Variants in SOX6 observed in about 807,000 individuals in gnomAD.
SOX6 encodes SRY-box transcription factor 6.
Under a neutral mutation model 97.8 loss-of-function variants are expected in SOX6, and 11 were observed. That is an observed-to-expected ratio of 0.11 (90% CI 0.07 to 0.19). The LOEUF (loss-of-function observed/expected upper bound fraction) is 0.19, where lower values mean the gene tolerates loss of function less well. Ranked by LOEUF, SOX6 falls within the 10% of genes least tolerant of loss-of-function variation. The probability of loss-of-function intolerance (pLI) is 1.00; values close to 1 mark genes in which losing one functional copy is unlikely to be tolerated. For missense variants in SOX6, 810 were observed against 1,039.5 expected (o/e 0.78, Z 3.04); for synonymous variants, 360 against 371.4 (o/e 0.97, Z 0.35).
At chr11:16,509,686 A>C (rs563006905) in intron 4 of SOX6, among the ~76,000 whole-genome samples, 2 of 152,150 alleles carry the variant, frequency 1.3e-5, no homozygotes, top group African/African-American at 4.8e-5. Flanking sequence ...CTCCCTTTTT[A>C]AATTTTTAAT....
chr11:16,481,874 G>A (rs1364092505), intron 4 of SOX6, among the ~76,000 whole-genome samples: 1 of 151,940 alleles, frequency 6.6e-6, no homozygotes, highest in East Asian at 1.9e-4. Flanking sequence ...TTTTTAAAGA[G>A]TTATTTTAAA....
At chr11:16,022,343 C>CTTCT (rs1855087779) in intron 12 of SOX6, among the ~76,000 whole-genome samples, 1 of 143,304 alleles carries the variant, frequency 7.0e-6, no homozygotes, top group East Asian at 2.2e-4. Flanking sequence ...TCCTTCCTTC[C>CTTCT]TTCCTTCCTT....
chr11:16,553,771 T>G (rs1318820940), intron 4 of SOX6, among the ~76,000 whole-genome samples: 1 of 152,034 alleles, frequency 6.6e-6, no homozygotes, highest in African/African-American at 2.4e-5. Context: ...TGACAAGAAA[T>G]GCATAAAGAC....
chr11:16,363,932 C>T (rs2134381266), intron 1 of SOX6, among the ~76,000 whole-genome samples: 1 of 152,192 alleles, frequency 6.6e-6, no homozygotes, highest in African/African-American at 2.4e-5. Flanking sequence ...AGCACAAAAA[C>T]CCAAGTCTTC....
At chr11:16,702,911 T>A (rs1028359286) in intron 3 of SOX6, among the ~76,000 whole-genome samples, 2 of 149,060 alleles carry the variant, frequency 1.3e-5, no homozygotes, top group African/African-American at 4.9e-5. Flanking sequence ...TACATATATA[T>A]AATTATTCAT....
chr11:16,272,685 A>T (rs887284268), intron 3 of SOX6, among the ~76,000 whole-genome samples: 1 of 151,824 alleles, frequency 6.6e-6, no homozygotes, highest in Non-Finnish European at 1.5e-5. Flanking sequence ...TTGTCTCAAG[A>T]TATAGATGAA....
intron 4 of SOX6, among the ~76,000 whole-genome samples, chr11:16,221,092 C>A (rs924574525): frequency 6.6e-6 from 1 of 151,904 alleles, no homozygotes; most frequent in Non-Finnish European, 1.5e-5. Context: ...TTCTTAGATC[C>A]CTGGGAATCC....
chr11:16,471,062 GCTAATAAA>G (rs1860132984), intron 1 of SOX6, among the ~76,000 whole-genome samples: 1 of 151,248 alleles, frequency 6.6e-6, no homozygotes, highest in Admixed American at 6.6e-5. Flanking sequence ...AAGCAGGGTA[GCTAATAAA>G]CTATGTCCGA....
chr11:16,143,954 G>A (rs1431610905), intron 6 of SOX6, among the ~76,000 whole-genome samples: 3 of 152,096 alleles, frequency 2.0e-5, no homozygotes, highest in Admixed American at 6.6e-5. Context: ...GAGACAGAAA[G>A]TTAACAAGGA....
intron 3 of SOX6, among the ~76,000 whole-genome samples, chr11:16,662,609 T>C (rs1281217410): frequency 6.6e-6 from 1 of 152,126 alleles, no homozygotes; most frequent in Non-Finnish European, 1.5e-5. Context: ...AATGATACCA[T>C]ATTAGCAGAA....
In SOX6 at chr11:16,014,946, T is replaced by C; in HGVS notation, c.1728A>G (p.Ala576=). 6.2e-7 allele frequency: 1 copy of C among 1,612,672 alleles called. No individual in the cohort carries two copies. Among genetic ancestry groups the C allele is most frequent in the South Asian group, 1.1e-5 (1 of 91,066 alleles). The part of the protein sequence containing the change: ...GVIDLTRPED[A]EGSKAMNGSA... ...AACTAGAGAAAAGCCACTCACCCTC[T>C]GCATCTTCTGGCCGAGTAAGGTCGA... Residue 576 remains alanine, a synonymous_variant, in exon 13 of 16, where the codon GCA becomes GCG. Transcript: ENST00000683767.
intron 3 of SOX6, among the ~76,000 whole-genome samples, chr11:16,711,370 A>C (rs1156375692): frequency 1.3e-5 from 2 of 151,906 alleles, no homozygotes; most frequent in African/African-American, 4.8e-5. Flanking sequence ...CTCTACAAGA[A>C]AAAAAAATGT....
At chr11:15,998,543 C>G (rs1345400294) in intron 13 of SOX6, among the ~76,000 whole-genome samples, 1 of 151,684 alleles carries the variant, frequency 6.6e-6, no homozygotes, top group Non-Finnish European at 1.5e-5. Context: ...AAAAATTCCT[C>G]AAAGTTTTTT....
chr11:16,362,643 G>A (rs1857238757), intron 1 of SOX6, among the ~76,000 whole-genome samples: 1 of 152,100 alleles, frequency 6.6e-6, no homozygotes, highest in Admixed American at 6.6e-5. Flanking sequence ...AAGTGGGGGA[G>A]CTAGAGTCTG....
At chr11:16,488,765 C>A (rs566692046) in intron 4 of SOX6, among the ~76,000 whole-genome samples, 1 of 152,260 alleles carries the variant, frequency 6.6e-6, no homozygotes, top group South Asian at 2.1e-4. Flanking sequence ...GTGGAGAGAT[C>A]CTGCTTATCA....
At chr11:16,118,520 T>C (rs150123758) in intron 6 of SOX6, among the ~76,000 whole-genome samples, 2 of 152,376 alleles carry the variant, frequency 1.3e-5, no homozygotes, top group African/African-American at 4.8e-5. Context: ...TTTTTTGCCA[T>C]CTGCCCCAGA....
rs1156737950 is a variant in SOX6, at chr11:16,076,735, A to ATTTTT, written c.1101+19256_1101+19260dup. Among the ~76,000 whole-genome samples, 368 of 94,150 alleles carry ATTTTT rather than the reference A, an allele frequency of 3.9e-3. 46 individuals carry two copies. Among genetic ancestry groups the ATTTTT allele is most frequent in the East Asian group, 0.037 (85 of 2,312 alleles). 61.8% of individuals were successfully genotyped at this position (94,150 alleles called of 152,430 possible). On this transcript the variant is annotated intron_variant, in intron 9 of 15. Transcript: ENST00000683767. ...GAGAGAGAAGGGGGAGGTACTACAC[A>ATTTTT]TTTTTTTTTTTTTTTTTTTTTTTTT...
intron 3 of SOX6, among the ~76,000 whole-genome samples, chr11:16,286,700 T>C (rs1352586440): frequency 2.0e-5 from 3 of 152,152 alleles, no homozygotes; most frequent in African/African-American, 7.2e-5. Context: ...CTTTGCCTAT[T>C]TTCTATCTTC....
intron 4 of SOX6, among the ~76,000 whole-genome samples, chr11:16,505,712 T>C (rs907570378): frequency 3.3e-5 from 5 of 152,196 alleles, no homozygotes; most frequent in African/African-American, 9.6e-5. Context: ...AATGGTTCTG[T>C]GAGCCATACT....
Sources: allele counts gnomAD v4.1 joint callset (sites outside exome capture counted in the v4.1 genomes callset), GRCh38; gene constraint gnomAD v4.1.1; transcripts MANE v1.5; gene names NCBI Gene and HGNC (gene_info 2026-07-23, HGNC 2026-07-21).